The following CNTN6 variants were observed in gnomAD, a reference collection of about 807,000 sequenced individuals.
The protein encoded by CNTN6 is contactin-6.
In CNTN6, 137 loss-of-function variants were observed where a neutral mutation model predicts 122.8. The observed-to-expected ratio is 1.12, with a 90% confidence interval of 0.97 to 1.29. The LOEUF (loss-of-function observed/expected upper bound fraction) is 1.29, where lower values mean the gene tolerates loss of function less well. CNTN6 is among the 50% of genes most tolerant of loss of function. CNTN6 has a pLI of 0.00. For missense variants in CNTN6, 1,634 were observed against 1,223.4 expected (o/e 1.34, Z -5.01); for synonymous variants, 570 against 426.0 (o/e 1.34, Z -4.16).
intron 7 of CNTN6, among the ~76,000 whole-genome samples, chr3:1,309,114 C>A (rs1457768025): frequency 6.6e-6 from 1 of 152,044 alleles, no homozygotes; most frequent in Non-Finnish European, 1.5e-5. Context: ...ATGTCCTTAA[C>A]AAAGCACAAG....
chr3:1,249,404 T>C (rs1345511594), intron 4 of CNTN6, among the ~76,000 whole-genome samples: 1 of 152,198 alleles, frequency 6.6e-6, no homozygotes, highest in African/African-American at 2.4e-5. Flanking sequence ...AAATGCAGAC[T>C]CACTTTTTAA....
At chr3:1,169,977 G>A (rs1337307634) in intron 2 of CNTN6, among the ~76,000 whole-genome samples, 2 of 152,112 alleles carry the variant, frequency 1.3e-5, no homozygotes, top group Non-Finnish European at 2.9e-5. Context: ...GCTCATGCCT[G>A]TAATCCCAGC....
At chr3:1,182,756 C>T (rs1348350605) in intron 2 of CNTN6, among the ~76,000 whole-genome samples, 1 of 151,896 alleles carries the variant, frequency 6.6e-6, no homozygotes, top group Admixed American at 6.6e-5. Flanking sequence ...ATTTCAGTTC[C>T]AGCTATAAAA....
intron 1 of CNTN6, among the ~76,000 whole-genome samples, chr3:1,099,609 C>T (rs1396156616): frequency 6.6e-6 from 1 of 152,018 alleles, no homozygotes; most frequent in Non-Finnish European, 1.5e-5. Flanking sequence ...ACATTGAAAA[C>T]TTATACACAT....
At chr3:1,240,590 A>G (rs2094470041) in intron 4 of CNTN6, among the ~76,000 whole-genome samples, 1 of 152,280 alleles carries the variant, frequency 6.6e-6, no homozygotes. Context: ...GTAAACTAGT[A>G]CAATCACTAT....
chr3:1,228,049 A>T (rs1446959078), intron 4 of CNTN6, 56 bp downstream of exon 4: 3 of 1,501,794 alleles, frequency 2.0e-6, no homozygotes, highest in African/African-American at 1.4e-5. Context: ...TATTCTTCTG[A>T]TACACACATT....
intron 4 of CNTN6, among the ~76,000 whole-genome samples, chr3:1,245,293 AACATATATATATATATATATATATAT>A: frequency 3.2e-4 from 1 of 3,164 alleles, no homozygotes; most frequent in Non-Finnish European, 6.5e-4. Flanking sequence ...ATATATATAT[AACATATATATATATATATATATATAT>A]ATATATATAT....
chr3:1,371,189 A>G (rs988264475), intron 12 of CNTN6, among the ~76,000 whole-genome samples: 1 of 152,246 alleles, frequency 6.6e-6, no homozygotes, highest in East Asian at 1.9e-4. Context: ...TGCAATCTCA[A>G]TGTTAGTTTG....
intron 4 of CNTN6, among the ~76,000 whole-genome samples, chr3:1,271,342 T>C (rs576307588): frequency 6.6e-6 from 1 of 152,110 alleles, no homozygotes. Context: ...AAAGAGAGGA[T>C]TGTAGTAGGG....
intron 2 of CNTN6, among the ~76,000 whole-genome samples, chr3:1,152,354 G>T (rs1460197691): frequency 6.6e-6 from 1 of 152,006 alleles, no homozygotes; most frequent in Non-Finnish European, 1.5e-5. Flanking sequence ...GCCCAGGCTG[G>T]TCTCAAACTC....
chr3:1,173,400 G>A (rs755791332), intron 2 of CNTN6: 7 of 395,792 alleles, frequency 1.8e-5, no homozygotes, highest in Middle Eastern at 3.6e-4. Flanking sequence ...AGTGCTTTAC[G>A]TGAATTATTT....
chr3:1,380,614 C>T (rs1441789640), intron 17 of CNTN6, among the ~76,000 whole-genome samples: 1 of 152,020 alleles, frequency 6.6e-6, no homozygotes, highest in Non-Finnish European at 1.5e-5. Context: ...ATTTAAAGGG[C>T]CAGACAGTAA....
At chr3:1,338,278 C>G (rs927842552) in intron 11 of CNTN6, among the ~76,000 whole-genome samples, 1 of 152,044 alleles carries the variant, frequency 6.6e-6, no homozygotes, top group East Asian at 1.9e-4. Flanking sequence ...TCATGGGCTG[C>G]GATATCAGTC....
At chr3:1,253,715 G>T (rs1184928100) in intron 4 of CNTN6, among the ~76,000 whole-genome samples, 1 of 152,100 alleles carries the variant, frequency 6.6e-6, no homozygotes, top group Non-Finnish European at 1.5e-5. Context: ...ACTCCTATAA[G>T]GATCTAACAC....
chr3:1,145,237 T>C (rs1351775644), intron 1 of CNTN6, among the ~76,000 whole-genome samples: 2 of 152,308 alleles, frequency 1.3e-5, no homozygotes, highest in Non-Finnish European at 2.9e-5. Context: ...ATTATACACT[T>C]TTTCTGATAA....
At position 1,248,873 on chromosome 3, in the gene CNTN6, A is replaced by T. The variant is rs558347404; in HGVS notation, c.358+20880A>T. ...CTCCATCTCAAAAAAAAAAGAATAA[A>T]TAAATAGTGAAGCTAGGATTTGATG... is the stretch of plus-strand genomic sequence containing the variant. On this transcript the variant is annotated intron_variant, in intron 4 of 22. Coordinates refer to ENST00000446702, the MANE Select transcript of CNTN6 (RefSeq NM_001289080.2). Among the ~76,000 whole-genome samples the T allele has an allele frequency of 2.6e-5, 4 of 152,304 alleles. No homozygotes were observed. The South Asian group carries it at 8.3e-4, about 32-fold the overall frequency.
intron 7 of CNTN6, among the ~76,000 whole-genome samples, chr3:1,313,878 G>T (rs1699742586): frequency 6.6e-6 from 1 of 152,020 alleles, no homozygotes; most frequent in South Asian, 2.1e-4. Flanking sequence ...GGTTCATCTA[G>T]CTGTGTCCTC....
chr3:1,365,637 A>C (rs1447656800), intron 12 of CNTN6, among the ~76,000 whole-genome samples: 1 of 152,104 alleles, frequency 6.6e-6, no homozygotes, highest in African/African-American at 2.4e-5. Flanking sequence ...TACCAAATGT[A>C]GGAAACCTTG....
rs910802966 is a variant in CNTN6 at position 1,289,843 on chromosome 3, G to T, written c.455-5758G>T. ...GTGCCCAACACCACGCCCAGCTAAT[G>T]TTTTGTGTTTTTGGTAGAGACGGGG... On this transcript the variant is annotated intron_variant, in intron 5 of 22. Coordinates refer to ENST00000446702, the MANE Select transcript of CNTN6 (RefSeq NM_001289080.2). Among the ~76,000 whole-genome samples the T allele has an allele frequency of 8.6e-5, 13 of 151,814 alleles. No individual in the cohort carries two copies. The East Asian group carries it at 1.4e-3, about 16-fold the overall frequency.
Sources: gnomAD v4.1 joint callset for allele counts (sites outside exome capture counted in the v4.1 genomes callset) on GRCh38, gnomAD v4.1.1 for gene constraint, MANE v1.5 for transcripts, NCBI Gene and HGNC (gene_info 2026-07-23, HGNC 2026-07-21) for gene names.